CRB1: variants seen among roughly 807,000 people sequenced by gnomAD.
The protein encoded by CRB1 is protein crumbs homolog 1.
A neutral mutation model predicts 120.0 loss-of-function variants in CRB1; 83 were observed. The ratio of observed to expected loss-of-function variants is 0.69; its 90% CI spans 0.58 to 0.83. The LOEUF (loss-of-function observed/expected upper bound fraction) is 0.83. CRB1 is among the 40% of genes least tolerant of loss of function. The probability of loss-of-function intolerance (pLI) is 0.00; values close to 1 mark genes in which losing one functional copy is unlikely to be tolerated. For missense variants in CRB1, 1,699 were observed against 1,687.6 expected (o/e 1.01, Z -0.12); for synonymous variants, 625 against 612.5 (o/e 1.02, Z -0.30).
At chr1:197,371,291 T>C (rs1379078794) in intron 5 of CRB1, among the ~76,000 whole-genome samples, 4 of 152,154 alleles carry the variant, frequency 2.6e-5, no homozygotes, top group African/African-American at 9.7e-5. Context: ...ACAACCAATT[T>C]GAATGTGGTT....
At chr1:197,400,654 C>T (rs1041651990) in intron 5 of CRB1, among the ~76,000 whole-genome samples, 1 of 152,084 alleles carries the variant, frequency 6.6e-6, no homozygotes, top group Non-Finnish European at 1.5e-5. Flanking sequence ...AACTCCTCTC[C>T]TCACTTTGAT....
At position 197,347,488 on chromosome 1, in the gene CRB1, C is replaced by T. The variant is rs1571878323; in HGVS notation, c.988+9C>T. On this transcript the variant is annotated intron_variant, in intron 4 of 11. Coordinates refer to ENST00000367400, the MANE Select transcript of CRB1 (RefSeq NM_201253.3). ...TTGTCACTGCTGGCCTGGTGAGTGA[C>T]AAAATACCTTCCACCAATTATTTTT... 6.2e-7 allele frequency: 1 copy of T among 1,613,638 alleles called. No homozygotes were observed. Among genetic ancestry groups the T allele is most frequent in the East Asian group, 2.2e-5 (1 of 44,874 alleles).
At chr1:197,231,114 T>C in the CRB1 span, among the ~76,000 whole-genome samples, 1 of 152,200 alleles carries the variant, frequency 6.6e-6, no homozygotes, top group African/African-American at 2.4e-5. Flanking sequence ...TTGGTTCTTG[T>C]ATGAAGACAA....
chr1:197,435,479 T>A lies in CRB1; in HGVS notation c.3616T>A (p.Tyr1206Asn). Residue 1206 changes from tyrosine (Y) to asparagine (N), a missense_variant, in exon 9 of 12, where the codon TAC becomes AAC. Physicochemically the swap from Tyr to Asn is moderately radical, Grantham distance 143. Transcript: ENST00000367400. ...AAYHCTCEPG[Y>N]TGVNCEVDID... ...CTACCACTGCACATGTGAGCCTGGA[T>A]ACACTGGTGTGAACTGTGAAGTGGA... 1.2e-6 allele frequency: 2 copies of A among 1,603,268 alleles called. No homozygotes were observed. Among genetic ancestry groups the A allele is most frequent in the Non-Finnish European group, 1.7e-6 (2 of 1,174,382 alleles).
At chr1:197,363,719 T>C in intron 5 of CRB1, 1 of 495,244 alleles carries the variant, frequency 2.0e-6, no homozygotes, top group South Asian at 2.3e-5. Flanking sequence ...TGTGTGTGGT[T>C]GTTGGCATCC....
At chr1:197,353,137 G>A (rs1278946488) in intron 4 of CRB1, among the ~76,000 whole-genome samples, 1 of 152,138 alleles carries the variant, frequency 6.6e-6, no homozygotes, top group Non-Finnish European at 1.5e-5. Flanking sequence ...AAAAGAATTG[G>A]GTGGCATGAG....
At chr1:197,442,613 ATG>A in intron 11 of CRB1, 2 of 1,197,508 alleles carry the variant, frequency 1.7e-6, no homozygotes, top group Non-Finnish European at 2.2e-6. Context: ...AACTTTAAAT[ATG>A]AAAAAAGTGT....
intron 5 of CRB1, among the ~76,000 whole-genome samples, chr1:197,410,233 T>G (rs1164356300): frequency 6.6e-6 from 1 of 152,254 alleles, no homozygotes; most frequent in Non-Finnish European, 1.5e-5. Context: ...TAATCAAGCT[T>G]GCTTTAATTG....
intron 11 of CRB1, chr1:197,442,585 A>G (rs1402478943): frequency 7.3e-7 from 1 of 1,373,268 alleles, no homozygotes; most frequent in Non-Finnish European, 9.5e-7. Context: ...GTCTGTGTAT[A>G]AAATATTTTC....
chr1:197,437,896 G>C (rs1344102566), intron 9 of CRB1: 1 of 154,382 alleles, frequency 6.5e-6, no homozygotes, highest in African/African-American at 2.4e-5. Flanking sequence ...TTACAGTGAA[G>C]TTCCGCTTAG....
At chr1:197,378,304 A>G (rs1161175658) in intron 5 of CRB1, among the ~76,000 whole-genome samples, 1 of 152,180 alleles carries the variant, frequency 6.6e-6, no homozygotes. Flanking sequence ...CCACAATCTA[A>G]TATTTCTTCA....
intron 1 of CRB1, among the ~76,000 whole-genome samples, chr1:197,326,723 CT>C (rs1407702296): frequency 1.3e-5 from 2 of 151,780 alleles, no homozygotes; most frequent in Admixed American, 1.3e-4. Context: ...GGAACAGAAC[CT>C]TTTTAATTCA....
At chr1:197,389,618 C>T (rs531132080) in intron 5 of CRB1, among the ~76,000 whole-genome samples, 3 of 152,042 alleles carry the variant, frequency 2.0e-5, no homozygotes, top group African/African-American at 4.8e-5. Flanking sequence ...ATGGTGGTGA[C>T]GGTTACACAG....
chr1:197,287,455 A>G (rs1655891800), intron 1 of CRB1, among the ~76,000 whole-genome samples: 1 of 151,840 alleles, frequency 6.6e-6, no homozygotes, highest in Non-Finnish European at 1.5e-5. Flanking sequence ...TAAAGTAGGG[A>G]CTTGAAAGAA....
At chr1:197,231,640 G>A in the CRB1 span, among the ~76,000 whole-genome samples, 5 of 152,238 alleles carry the variant, frequency 3.3e-5, no homozygotes, top group East Asian at 1.9e-4. Flanking sequence ...ACATCCCAGA[G>A]GGTGAAATAA....
intron 11 of CRB1, among the ~76,000 whole-genome samples, chr1:197,462,689 A>G (rs905107832): frequency 6.6e-6 from 1 of 152,228 alleles, no homozygotes. Flanking sequence ...TTAATTACAC[A>G]TAAATTTCAA....
At chr1:197,403,621 C>A (rs1225963688) in intron 5 of CRB1, among the ~76,000 whole-genome samples, 2 of 151,912 alleles carry the variant, frequency 1.3e-5, no homozygotes, top group Non-Finnish European at 2.9e-5. Flanking sequence ...GATAACCCTG[C>A]TGATGTTTTT....
intron 5 of CRB1, among the ~76,000 whole-genome samples, chr1:197,366,466 GTATT>G (rs2125373734): frequency 6.6e-6 from 1 of 152,198 alleles, no homozygotes; most frequent in African/African-American, 2.4e-5. Flanking sequence ...AATTAAGAAT[GTATT>G]TATTACTCTT....
chr1:197,275,057 CG>C (rs779007433), intron 1 of CRB1, among the ~76,000 whole-genome samples: 26 of 151,878 alleles, frequency 1.7e-4, no homozygotes, highest in Non-Finnish European at 3.8e-4. Context: ...CATTCAGTCC[CG>C]GGTGTTTCTT....
Sources: gnomAD v4.1 joint callset for allele counts (sites outside exome capture counted in the v4.1 genomes callset) on GRCh38, gnomAD v4.1.1 for gene constraint, MANE v1.5 for transcripts, NCBI Gene and HGNC (gene_info 2026-07-23, HGNC 2026-07-21) for gene names.